COL16A1: variants seen among roughly 807,000 people sequenced by gnomAD.
The protein encoded by COL16A1 is collagen type XVI alpha 1 chain.
A neutral mutation model predicts 266.3 loss-of-function variants in COL16A1; 189 were observed. The observed-to-expected ratio is 0.71, with a 90% confidence interval of 0.63 to 0.80. The LOEUF (loss-of-function observed/expected upper bound fraction) is 0.80, where lower values mean the gene tolerates loss of function less well. Ranked by LOEUF, COL16A1 falls within the 30% of genes least tolerant of loss-of-function variation. The pLI, the probability that COL16A1 is intolerant of heterozygous loss-of-function variation, is 0.00. For missense variants in COL16A1, 1,928 were observed against 2,122.4 expected (o/e 0.91, Z 1.80); for synonymous variants, 740 against 782.3 (o/e 0.95, Z 0.90).
In COL16A1 at chr1:31,668,487, C is replaced by G. The variant is rs1315305849; in HGVS notation, c.3250-269G>C. Reference sequence around the variant, plus strand: ...AGGGAGCCCAGAGCAGGCATGAGGACCAGGGAAGAGGGGGTGGGCTGGGAT... The same window carrying G: ...AGGGAGCCCAGAGCAGGCATGAGGAGCAGGGAAGAGGGGGTGGGCTGGGAT... On this transcript the variant is annotated intron_variant, in intron 50 of 70. Transcript: ENST00000373672. This position sits in a 1 kb window ranked among gnomAD's most constrained non-coding sequence, Gnocchi z 5.8. Among the ~76,000 whole-genome samples the G allele has an allele frequency of 3.3e-5, 5 of 152,096 alleles. No homozygotes were observed. The highest frequency in any genetic ancestry group is 5.9e-5 in the Non-Finnish European group (4 of 67,998).
chr1:31,665,206 C>T lies in COL16A1; in HGVS notation c.3521G>A (p.Gly1174Glu), dbSNP rs747765384. 11 of 1,599,076 alleles carry T rather than the reference C, an allele frequency of 6.9e-6. No individual in the cohort carries two copies. Among genetic ancestry groups the T allele is most frequent in the African/African-American group, 1.4e-5 (1 of 73,818 alleles). ...PGPPGFPGKVGSPGPPGPQAE... is the reference protein window; with the variant it reads ...PGPPGFPGKVESPGPPGPQAE... ...TTGAGGGCCAGGTGGGCCAGGTGAT[C>T]CAACTTTGCCTGGGAATCCAGGGGG... is the stretch of plus-strand genomic sequence containing the variant. The change falls in exon 56 of 71, where the codon GGA (glycine) becomes GAA (glutamate). Residue 1174 changes from glycine (G) to glutamate (E), a missense_variant. Gly to Glu is a moderately conservative substitution (Grantham distance 98). This residue lies in a region of COL16A1 where 1,552 missense variants were observed against 1,637.2 expected (regional missense o/e 0.95). Coordinates refer to ENST00000373672, the MANE Select transcript of COL16A1 (RefSeq NM_001856.4).
chr1:31,688,896 C>T lies in COL16A1; in HGVS notation c.1732G>A (p.Val578Met), dbSNP rs2148795434. Reference sequence around the variant, plus strand: ...GGCAGACCAAAGCCAGGGGAACCCACATCTCCACTGGCCCCTGTGGAGGAC... The same window carrying T: ...GGCAGACCAAAGCCAGGGGAACCCATATCTCCACTGGCCCCTGTGGAGGAC... ...LVSSTGASGD[V>M]GSPGFGLPGL... Residue 578 changes from valine (V) to methionine (M), a missense_variant, in exon 25 of 71, where the codon GTG becomes ATG. By Grantham distance (21) the Val-to-Met change is conservative (BLOSUM62 1). This residue lies in a region of COL16A1 where 1,552 missense variants were observed against 1,637.2 expected (regional missense o/e 0.95). Coordinates refer to ENST00000373672, the MANE Select transcript of COL16A1 (RefSeq NM_001856.4). This position sits in a 1 kb window ranked among gnomAD's most constrained non-coding sequence, Gnocchi z 4.9. 6.2e-7 allele frequency: 1 copy of T among 1,614,126 alleles called. No homozygotes were observed. The highest frequency in any genetic ancestry group is 1.1e-5 in the South Asian group (1 of 91,078).
chr1:31,669,304 T>C (rs1353069154), intron 49 of COL16A1, among the ~76,000 whole-genome samples: 1 of 151,804 alleles, frequency 6.6e-6, no homozygotes, highest in African/African-American at 2.4e-5. Context: ...TACCCAACAC[T>C]TACCTGTCCA....
chr1:31,675,667 C>CT (rs1643124107), intron 42 of COL16A1, among the ~76,000 whole-genome samples: 1 of 151,494 alleles, frequency 6.6e-6, no homozygotes, highest in East Asian at 1.9e-4. Flanking sequence ...TTTCTTTTTT[C>CT]TTTTTTTCTT....
intron 54 of COL16A1, 56 bp from the exon 55 acceptor site, chr1:31,665,674 T>A (rs1408943926): frequency 6.2e-7 from 1 of 1,602,718 alleles, no homozygotes; most frequent in Non-Finnish European, 8.5e-7. Context: ...CCTGCCTGGC[T>A]GCCCAGGTGG....
chr1:31,662,837 G>A, intron 56 of COL16A1, 179 bp from the exon 57 acceptor site: 1 of 630,932 alleles, frequency 1.6e-6, no homozygotes. Flanking sequence ...CGCCTCCCCA[G>A]GAGGATCTGT....
At position 31,688,515 on chromosome 1, in the gene COL16A1, C is replaced by G; in HGVS notation, c.1768-13G>C. 6.2e-7 allele frequency: 1 copy of G among 1,614,094 alleles called. No homozygotes were observed. Among genetic ancestry groups the G allele is most frequent in the Non-Finnish European group, 8.5e-7 (1 of 1,180,028 alleles). ...CCCCAGCTCTACCCTGAAAAACAACCAAGACAGAGTCTCAGCATCTCCCCA... is the reference window on the plus strand; with the variant it reads ...CCCCAGCTCTACCCTGAAAAACAACGAAGACAGAGTCTCAGCATCTCCCCA... On this transcript the variant is annotated splice_polypyrimidine_tract_variant and intron_variant, in intron 25 of 70. Coordinates refer to ENST00000373672, the MANE Select transcript of COL16A1 (RefSeq NM_001856.4). This position sits in a 1 kb window ranked among gnomAD's most constrained non-coding sequence, Gnocchi z 4.9.
In COL16A1 at chr1:31,685,905, G is replaced by C. The variant is rs914132914; in HGVS notation, c.1885-135C>G. 15 of 1,504,616 alleles carry C rather than the reference G, an allele frequency of 1.0e-5. No homozygotes were observed. The highest frequency in any genetic ancestry group is 1.3e-5 in the Non-Finnish European group (14 of 1,110,320). 93.2% of individuals were successfully genotyped at this position (1,504,616 alleles called of 1,614,324 possible). A position where few individuals can be genotyped will look rare whatever the true frequency, so the allele number is the denominator to read the frequency against. ...CTGGGTGAGGGGTTATCTTGGGAAA[G>C]ATGAAGGGAGAACAGGAAAGAAACA... On this transcript the variant is annotated intron_variant, in intron 28 of 70. Coordinates refer to ENST00000373672, the MANE Select transcript of COL16A1 (RefSeq NM_001856.4). The surrounding 1 kb of genome is among the most constrained non-coding windows in gnomAD (Gnocchi z 4.0).
intron 1 of COL16A1, among the ~76,000 whole-genome samples, chr1:31,702,680 T>C (rs1221997641): frequency 6.6e-6 from 1 of 152,144 alleles, no homozygotes; most frequent in African/African-American, 2.4e-5. Context: ...ACCAGCCTGA[T>C]ACCTTACTAG....
chr1:31,666,539 A>G (rs1642159423), intron 52 of COL16A1, among the ~76,000 whole-genome samples: 1 of 150,884 alleles, frequency 6.6e-6, no homozygotes, highest in Non-Finnish European at 1.5e-5. Flanking sequence ...CACACTCTAT[A>G]CCCTCACACC....
In COL16A1 at chr1:31,692,023, C is replaced by A; in HGVS notation, c.1239G>T (p.Pro413=). The change falls in exon 17 of 71, where the codon CCG becomes CCT. Residue 413 remains proline, a synonymous_variant. Coordinates refer to ENST00000373672, the MANE Select transcript of COL16A1 (RefSeq NM_001856.4). ...CACCTACGTCCCGGCCTGGCTTTCC[C>A]GGCACGCCCTTGATGCCTCCGTCGC... The part of the protein sequence containing the change: ...EKGDGGIKGV[P]GKPGRDGRPG... The A allele has an allele frequency of 6.2e-7, 1 of 1,613,910 alleles. No homozygotes were observed. The highest frequency in any genetic ancestry group is 8.5e-7 in the Non-Finnish European group (1 of 1,180,008).
In COL16A1 at chr1:31,684,209, G is replaced by C; in HGVS notation, c.2183C>G (p.Pro728Arg). ...GTCTGTCACTGTCCCCTGCAGGCTG[G>C]GGCAGGCAGTGCAGCCATCACCCTG... ...GEKGDGCTAC[P>R]SLQGTVTDMA... Residue 728 changes from proline (P) to arginine (R), a missense_variant, in exon 32 of 71, where the codon CCC becomes CGC. This residue lies in a region of COL16A1 where 1,552 missense variants were observed against 1,637.2 expected (regional missense o/e 0.95). Coordinates refer to ENST00000373672, the MANE Select transcript of COL16A1 (RefSeq NM_001856.4). 1 of 1,516,246 alleles carries C rather than the reference G, an allele frequency of 6.6e-7. No individual in the cohort carries two copies. Among genetic ancestry groups the C allele is most frequent in the Non-Finnish European group, 8.9e-7 (1 of 1,129,346 alleles). The allele number at this position is 1,516,246 out of a possible 1,614,324, so 93.9% of individuals were successfully genotyped here.
At position 31,654,971 on chromosome 1, in the gene COL16A1, CTTTTTTTTTTTT is replaced by C. The variant is rs10586841; in HGVS notation, c.4291-125_4291-114del. On this transcript the variant is annotated intron_variant, in intron 67 of 70. Coordinates refer to ENST00000373672, the MANE Select transcript of COL16A1 (RefSeq NM_001856.4). ...AGGTCCCAGGAGCCTCCCACAGATT[CTTTTTTTTTTTT>C]TTTTTTTTTTTTTTTTCTGAGACAG... 411 of 414,432 alleles carry C rather than the reference CTTTTTTTTTTTT, an allele frequency of 9.9e-4. 3 individuals are homozygous for C. Among genetic ancestry groups the C allele is most frequent in the African/African-American group, 4.0e-3 (102 of 25,678 alleles). 25.7% of individuals were successfully genotyped at this position (414,432 alleles called of 1,614,324 possible).
At chr1:31,654,689 CAGG>C (rs1640947840) in intron 68 of COL16A1, 100 bp downstream of exon 68, 1 of 1,597,492 alleles carries the variant, frequency 6.3e-7, no homozygotes, top group African/African-American at 1.3e-5. Context: ...AGGGTGAGAG[CAGG>C]AGGACATTGA....
chr1:31,662,836 A>G, intron 56 of COL16A1, 178 bp from the exon 57 acceptor site: 1 of 629,938 alleles, frequency 1.6e-6, no homozygotes, highest in Non-Finnish European at 2.7e-6. Flanking sequence ...TCGCCTCCCC[A>G]GGAGGATCTG....
rs756879157 is a variant in COL16A1 at position 31,698,616 on chromosome 1, G to A, written c.267-10C>T. ...CCGAGGGAATACTCTTCTGGAGATGGAGCAGGGAGGGTGCCCTGAGGCTCC... is the reference window on the plus strand; with the variant it reads ...CCGAGGGAATACTCTTCTGGAGATGAAGCAGGGAGGGTGCCCTGAGGCTCC... On this transcript the variant is annotated splice_polypyrimidine_tract_variant and intron_variant, in intron 4 of 70. Transcript: ENST00000373672. The surrounding 1 kb of genome is among the most constrained non-coding windows in gnomAD (Gnocchi z 4.1). 1 of 1,613,402 alleles carries A rather than the reference G, an allele frequency of 6.2e-7. No homozygotes were observed. The highest frequency in any genetic ancestry group is 8.5e-7 in the Non-Finnish European group (1 of 1,179,874).
At chr1:31,673,184 G>A (rs528896347) in intron 44 of COL16A1, 2 of 372,768 alleles carry the variant, frequency 5.4e-6, no homozygotes, top group Admixed American at 3.8e-5. Context: ...GACAAGCCAC[G>A]AGGAGTGAGG....
In COL16A1 at chr1:31,662,674, G is replaced by GGGGGCC; in HGVS notation, c.3556-17_3556-16insGGCCCC. On this transcript the variant is annotated splice_polypyrimidine_tract_variant and intron_variant, in intron 56 of 70. Coordinates refer to ENST00000373672, the MANE Select transcript of COL16A1 (RefSeq NM_001856.4). Reference sequence around the variant, plus strand: ...CTTCGCTGCCCTGGAAACCAGCGCCGCCCCCCCCCCCCGCCCCACAATAAA... The same window carrying GGGGGCC: ...CTTCGCTGCCCTGGAAACCAGCGCCGGGGGCCCCCCCCCCCCCCGCCCCACAATAAA... 7.9e-7 allele frequency: 1 copy of GGGGGCC among 1,263,608 alleles called. No individual in the cohort carries two copies. The highest frequency in any genetic ancestry group is 1.0e-6 in the Non-Finnish European group (1 of 960,614). 78.3% of individuals were successfully genotyped at this position (1,263,608 alleles called of 1,614,324 possible). A position where few individuals can be genotyped will look rare whatever the true frequency, so the allele number is the denominator to read the frequency against.
chr1:31,659,007 G>C (rs761051913), intron 62 of COL16A1, 43 bp from the exon 63 acceptor site: 1 of 1,538,396 alleles, frequency 6.5e-7, no homozygotes, highest in Admixed American at 2.0e-5. Context: ...GGTTCTAATA[G>C]TAAGACCCCT....
Sources: gnomAD v4.1 joint callset for allele counts (sites outside exome capture counted in the v4.1 genomes callset) on GRCh38, gnomAD v4.1.1 for gene constraint, gnomAD v4.1.1 regional missense constraint, Gnocchi (gnomAD v3.1) non-coding constraint, MANE v1.5 for transcripts, NCBI Gene and HGNC (gene_info 2026-07-23, HGNC 2026-07-21) for gene names.